ADAMTSL1: variants seen among roughly 807,000 people sequenced by gnomAD.
ADAMTSL1 encodes the protein ADAMTS-like protein 1.
Under a neutral mutation model 201.8 loss-of-function variants are expected in ADAMTSL1, and 126 were observed. The observed-to-expected ratio is 0.62, with a 90% CI of 0.54 to 0.72. ADAMTSL1 has a LOEUF of 0.72. Among genes scored for constraint, ADAMTSL1 ranks in the 30% least tolerant of loss-of-function variants. The probability of loss-of-function intolerance (pLI) is 0.00; values close to 1 mark genes in which losing one functional copy is unlikely to be tolerated. For missense variants in ADAMTSL1, 2,679 were observed against 2,277.8 expected (o/e 1.18, Z -3.59); for synonymous variants, 1,121 against 903.4 (o/e 1.24, Z -4.32).
chr9:18,165,048 T>A (rs937711267), intron 2 of ADAMTSL1, among the ~76,000 whole-genome samples: 3 of 151,954 alleles, frequency 2.0e-5, no homozygotes, highest in Non-Finnish European at 2.9e-5. Flanking sequence ...ATATTGGTTT[T>A]TTTTTCTCAG....
At chr9:18,549,422 T>C (rs994797055) in intron 3 of ADAMTSL1, among the ~76,000 whole-genome samples, 2 of 151,914 alleles carry the variant, frequency 1.3e-5, no homozygotes, top group African/African-American at 4.8e-5. Context: ...TCTACAAAGA[T>C]GAGCATTAAC....
intron 16 of ADAMTSL1, among the ~76,000 whole-genome samples, chr9:18,767,323 T>C (rs1162700986): frequency 6.6e-6 from 1 of 152,212 alleles, no homozygotes; most frequent in Non-Finnish European, 1.5e-5. Context: ...GGAAGAATCT[T>C]AGTAATTCAC....
At chr9:17,955,371 A>G (rs967258207) in intron 1 of ADAMTSL1, among the ~76,000 whole-genome samples, 2 of 152,170 alleles carry the variant, frequency 1.3e-5, no homozygotes, top group African/African-American at 4.8e-5. Flanking sequence ...GCTGAGGCAT[A>G]AAACTCATTC....
At chr9:18,051,546 CT>C (rs200097532) in intron 1 of ADAMTSL1, among the ~76,000 whole-genome samples, 7,962 of 140,414 alleles carry the variant, frequency 0.057, 250 homozygotes, top group African/African-American at 0.11. Context: ...CTTTTTAAAA[CT>C]TTTTTTTTTT....
rs71333030 is a variant in ADAMTSL1, at chr9:18,180,532, CAA to C, written c.207+16573_207+16574del. On this transcript the variant is annotated intron_variant, in intron 2 of 29. Coordinates refer to the ADAMTSL1 transcript ENST00000680146. ...TGGGTGACAGAGCGAGACTCCGTGT[CAA>C]AAAAAAAAAAAAAAAAAAAAATACC... 2.2e-3 allele frequency among the ~76,000 whole-genome samples: 199 copies of C among 92,108 alleles called. 1 individual carries two copies. Among genetic ancestry groups the C allele is most frequent in the African/African-American group, 8.9e-3 (170 of 19,114 alleles). 60.4% of individuals were successfully genotyped at this position (92,108 alleles called of 152,430 possible).
intron 2 of ADAMTSL1, among the ~76,000 whole-genome samples, chr9:18,175,950 A>C (rs1476226223): frequency 6.8e-6 from 1 of 147,382 alleles, no homozygotes; most frequent in Non-Finnish European, 1.5e-5. Flanking sequence ...GAAAAGAAGA[A>C]GGTATATTGA....
chr9:17,927,890 C>T (rs1414723073), intron 1 of ADAMTSL1, among the ~76,000 whole-genome samples: 1 of 152,166 alleles, frequency 6.6e-6, no homozygotes, highest in African/African-American at 2.4e-5. Flanking sequence ...CATTAGTGGA[C>T]ACTTGAGTTG....
intron 2 of ADAMTSL1, among the ~76,000 whole-genome samples, chr9:18,425,525 A>G (rs1028172994): frequency 2.6e-5 from 4 of 152,138 alleles, no homozygotes; most frequent in Non-Finnish European, 5.9e-5. Flanking sequence ...TATAGTTCTT[A>G]GTTTTACAGC....
chr9:18,856,421 T>G (rs1245339123), intron 23 of ADAMTSL1, among the ~76,000 whole-genome samples: 2 of 151,466 alleles, frequency 1.3e-5, no homozygotes, highest in Non-Finnish European at 2.9e-5. Context: ...ATTGTTGACA[T>G]AGCAATGATA....
rs80341107 is a variant in ADAMTSL1, at chr9:18,005,014, C to G, written c.87+98092C>G. ...ATGACAAGTAAGAGAGACAAAGTTT[C>G]TGACCTCATGGAATTACTTATTCAC... On this transcript the variant is annotated intron_variant, in intron 1 of 29. Transcript: ENST00000680146. 7.8e-3 allele frequency among the ~76,000 whole-genome samples: 1,180 copies of G among 152,198 alleles called. 13 individuals carry two copies. The highest frequency in any genetic ancestry group is 0.027 in the African/African-American group (1,114 of 41,556).
chr9:18,733,210 T>C (rs1413215912), intron 15 of ADAMTSL1, among the ~76,000 whole-genome samples: 1 of 152,196 alleles, frequency 6.6e-6, no homozygotes, highest in Non-Finnish European at 1.5e-5. Context: ...CATAGCAGCG[T>C]ACAACCTAGT....
At chr9:18,486,380 G>T (rs920890642) in intron 1 of ADAMTSL1, among the ~76,000 whole-genome samples, 1 of 152,180 alleles carries the variant, frequency 6.6e-6, no homozygotes, top group African/African-American at 2.4e-5. Context: ...CTCTCAGCGA[G>T]CTTTTAAAAA....
At chr9:18,797,618 G>A (rs1183333739) in intron 20 of ADAMTSL1, among the ~76,000 whole-genome samples, 1 of 152,140 alleles carries the variant, frequency 6.6e-6, no homozygotes, top group Non-Finnish European at 1.5e-5. Context: ...AGGGGTGGGG[G>A]TGAATGAGTA....
At chr9:17,915,299 A>C (rs955083745) in intron 1 of ADAMTSL1, among the ~76,000 whole-genome samples, 4 of 152,196 alleles carry the variant, frequency 2.6e-5, no homozygotes, top group African/African-American at 7.2e-5. Context: ...TAAATGGAAC[A>C]ATCCCTCCTC....
intron 1 of ADAMTSL1, among the ~76,000 whole-genome samples, chr9:17,960,541 C>G (rs1485998053): frequency 6.6e-6 from 1 of 152,170 alleles, no homozygotes; most frequent in Non-Finnish European, 1.5e-5. Context: ...TGCTTTGGGT[C>G]TCAGTTTCTA....
chr9:18,588,089 A>G (rs1326894714), intron 4 of ADAMTSL1, among the ~76,000 whole-genome samples: 2 of 152,180 alleles, frequency 1.3e-5, no homozygotes, highest in Admixed American at 6.5e-5. Flanking sequence ...CATTCCCACC[A>G]ACAGTGTGCA....
chr9:18,002,017 G>A (rs1427923830), intron 1 of ADAMTSL1, among the ~76,000 whole-genome samples: 4 of 151,980 alleles, frequency 2.6e-5, no homozygotes, highest in Admixed American at 6.6e-5. Flanking sequence ...CACAGCTGGA[G>A]AGGACTGTGG....
At chr9:18,412,169 T>G (rs1009650569) in intron 2 of ADAMTSL1, among the ~76,000 whole-genome samples, 3 of 152,198 alleles carry the variant, frequency 2.0e-5, no homozygotes, top group Non-Finnish European at 4.4e-5. Context: ...TAACCAAAAT[T>G]CAGATCTAGA....
At chr9:18,718,313 C>T (rs1833094977) in intron 14 of ADAMTSL1, 3 of 745,022 alleles carry the variant, frequency 4.0e-6, no homozygotes, top group Non-Finnish European at 7.6e-6. Context: ...GTCCATTTCT[C>T]ATGTACAAAT....
Sources: allele counts gnomAD v4.1 joint callset (sites outside exome capture counted in the v4.1 genomes callset), GRCh38; gene constraint gnomAD v4.1.1; transcripts MANE v1.5; gene names NCBI Gene and HGNC (gene_info 2026-07-23, HGNC 2026-07-21).